Variants in CTNND2 observed in about 807,000 individuals in gnomAD.
CTNND2 encodes the protein catenin delta 2.
A neutral mutation model predicts 144.4 loss-of-function variants in CTNND2; 22 were observed. The ratio of observed to expected loss-of-function variants is 0.15; its 90% CI spans 0.11 to 0.22. The LOEUF (loss-of-function observed/expected upper bound fraction) is 0.22. Among genes scored for constraint, CTNND2 ranks in the 10% least tolerant of loss-of-function variants. The pLI, the probability that CTNND2 is intolerant of heterozygous loss-of-function variation, is 1.00. For synonymous variants in CTNND2, 751 were observed against 695.6 expected (o/e 1.08, Z -1.25); for missense variants, 1,353 against 1,618.8 (o/e 0.84, Z 2.82).
At chr5:11,242,656 G>A (rs951279485) in intron 9 of CTNND2, among the ~76,000 whole-genome samples, 18 of 152,118 alleles carry the variant, frequency 1.2e-4, no homozygotes, top group African/African-American at 2.2e-4. Flanking sequence ...ACCAGAGCCC[G>A]AGTTGAGAAG....
At chr5:11,298,969 A>C (rs1021812028) in intron 9 of CTNND2, among the ~76,000 whole-genome samples, 5 of 152,040 alleles carry the variant, frequency 3.3e-5, no homozygotes, top group African/African-American at 4.8e-5. Context: ...ATAGCTGGTA[A>C]ATATATTTAC....
intron 8 of CTNND2, among the ~76,000 whole-genome samples, chr5:11,355,476 C>CAA (rs368151081): frequency 1.3e-5 from 2 of 150,608 alleles, no homozygotes; most frequent in Admixed American, 6.6e-5. Flanking sequence ...CATGATAAAA[C>CAA]AAAAAAAAAC....
At chr5:11,731,315 G>A (rs1001296458) in intron 2 of CTNND2, among the ~76,000 whole-genome samples, 3 of 152,124 alleles carry the variant, frequency 2.0e-5, no homozygotes, top group African/African-American at 4.8e-5. Context: ...TTTGAATAGC[G>A]TTACTATTCT....
chr5:11,081,072 T>TCACACACACACACACACA (rs55951127), intron 16 of CTNND2, among the ~76,000 whole-genome samples: 3 of 145,082 alleles, frequency 2.1e-5, no homozygotes, highest in Admixed American at 7.0e-5. Context: ...TGAGACCCTG[T>TCACACACACACACACACA]CACACACACA....
At chr5:11,504,066 A>G (rs1311126227) in intron 3 of CTNND2, among the ~76,000 whole-genome samples, 1 of 152,268 alleles carries the variant, frequency 6.6e-6, no homozygotes, top group Non-Finnish European at 1.5e-5. Flanking sequence ...AGAGTGCTAA[A>G]GAATCATTAT....
chr5:11,638,242 C>T (rs929814843), intron 2 of CTNND2, among the ~76,000 whole-genome samples: 4 of 152,118 alleles, frequency 2.6e-5, no homozygotes, highest in African/African-American at 9.7e-5. Flanking sequence ...CCAAACATTC[C>T]GCCCATGGTT....
At chr5:11,181,892 G>A (rs1184892295) in intron 11 of CTNND2, among the ~76,000 whole-genome samples, 1 of 144,340 alleles carries the variant, frequency 6.9e-6, no homozygotes, top group Non-Finnish European at 1.5e-5. Context: ...GCATGGATGT[G>A]TGTGGTGTGT....
intron 1 of CTNND2, among the ~76,000 whole-genome samples, chr5:11,867,465 T>C (rs190234034): frequency 2.6e-5 from 4 of 152,322 alleles, no homozygotes; most frequent in African/African-American, 9.6e-5. Context: ...CTCTTCCACA[T>C]GGAGATGTCA....
intron 2 of CTNND2, among the ~76,000 whole-genome samples, chr5:11,650,373 A>G (rs1782586779): frequency 6.6e-6 from 1 of 152,126 alleles, no homozygotes; most frequent in African/African-American, 2.4e-5. Context: ...TTTTCTTTAT[A>G]CATTACACAA....
chr5:11,292,459 G>A (rs1441670026), intron 9 of CTNND2, among the ~76,000 whole-genome samples: 1 of 137,442 alleles, frequency 7.3e-6, no homozygotes, highest in Non-Finnish European at 1.7e-5. Flanking sequence ...TAATCCCCAT[G>A]TGTGGAGGGC....
intron 12 of CTNND2, among the ~76,000 whole-genome samples, chr5:11,153,906 G>A (rs556161569): frequency 3.3e-5 from 5 of 152,226 alleles, no homozygotes; most frequent in South Asian, 2.1e-4. Context: ...AATATAATGC[G>A]ACTATACAGG....
intron 1 of CTNND2, among the ~76,000 whole-genome samples, chr5:11,766,161 T>A (rs772585743): frequency 2.0e-5 from 3 of 152,244 alleles, no homozygotes; most frequent in Non-Finnish European, 4.4e-5. Context: ...TTTATTTACA[T>A]ATACTTGCAT....
intron 18 of CTNND2, among the ~76,000 whole-genome samples, chr5:11,004,046 G>GA (rs1740225996): frequency 6.6e-6 from 1 of 152,096 alleles, no homozygotes; most frequent in African/African-American, 2.4e-5. Context: ...TGAAAAGTTG[G>GA]AAAAAATGTA....
chr5:11,130,456 G>A (rs1755477071), intron 12 of CTNND2, among the ~76,000 whole-genome samples: 1 of 152,194 alleles, frequency 6.6e-6, no homozygotes, highest in African/African-American at 2.4e-5. Context: ...CCCTCTTGCT[G>A]TCAAGTACTA....
At chr5:11,852,080 C>G (rs1795041721) in intron 1 of CTNND2, among the ~76,000 whole-genome samples, 1 of 152,142 alleles carries the variant, frequency 6.6e-6, no homozygotes, top group African/African-American at 2.4e-5. Flanking sequence ...CACCCAACGG[C>G]ATTCATTGTT....
chr5:10,982,608 T>A (rs558972708), intron 20 of CTNND2, among the ~76,000 whole-genome samples: 31 of 152,354 alleles, frequency 2.0e-4, no homozygotes, highest in African/African-American at 5.8e-4. Context: ...CAAGAAATCT[T>A]TGGTAGAATG....
intron 1 of CTNND2, among the ~76,000 whole-genome samples, chr5:11,776,040 T>C (rs1790236224): frequency 6.6e-6 from 1 of 152,186 alleles, no homozygotes; most frequent in Non-Finnish European, 1.5e-5. Flanking sequence ...GATTCTTTCC[T>C]AGAGCCTTCA....
At chr5:10,980,557 A>G (rs1397337603) in intron 21 of CTNND2, among the ~76,000 whole-genome samples, 1 of 152,154 alleles carries the variant, frequency 6.6e-6, no homozygotes, top group East Asian at 1.9e-4. Flanking sequence ...TATATACCCA[A>G]AGGGTTATAA....
chr5:11,481,848 G>GA (rs1327756205), intron 3 of CTNND2, among the ~76,000 whole-genome samples: 3 of 152,184 alleles, frequency 2.0e-5, no homozygotes, highest in Non-Finnish European at 4.4e-5. Context: ...CAGTGGCCCA[G>GA]AGAGTCCAAA....
Sources: gnomAD v4.1 joint callset for allele counts (sites outside exome capture counted in the v4.1 genomes callset) on GRCh38, gnomAD v4.1.1 for gene constraint, MANE v1.5 for transcripts, NCBI Gene and HGNC (gene_info 2026-07-23, HGNC 2026-07-21) for gene names.